The following NALF1 variants were observed in gnomAD, a reference collection of about 807,000 sequenced individuals.
The protein encoded by NALF1 is NALCN channel auxiliary factor 1, also known as family with sequence similarity 155 member A.
NALF1 carries 3 observed loss-of-function variants against 48.4 expected under a neutral mutation model. The ratio of observed to expected loss-of-function variants is 0.06; its 90% confidence interval spans 0.03 to 0.16. The LOEUF (loss-of-function observed/expected upper bound fraction) is 0.16, where lower values mean the gene tolerates loss of function less well. NALF1 is among the 10% of genes least tolerant of loss of function. NALF1 has a pLI of 1.00. For missense variants in NALF1, 526 were observed against 571.5 expected (o/e 0.92, Z 0.81); for synonymous variants, 262 against 245.7 (o/e 1.07, Z -0.62).
At chr13:107,680,411 T>TGA (rs1393828379) in intron 1 of NALF1, among the ~76,000 whole-genome samples, 3 of 151,334 alleles carry the variant, frequency 2.0e-5, no homozygotes, top group Middle Eastern at 6.8e-3. Context: ...CGTGTATGAG[T>TGA]GTGTGTGCGT....
intron 1 of NALF1, among the ~76,000 whole-genome samples, chr13:107,545,341 T>C (rs942735185): frequency 3.3e-5 from 5 of 152,306 alleles, no homozygotes; most frequent in Middle Eastern, 3.4e-3. Flanking sequence ...AATTCTCCTC[T>C]GGAGCCTTCA....
intron 1 of NALF1, among the ~76,000 whole-genome samples, chr13:107,766,606 A>G (rs1877425083): frequency 6.6e-6 from 1 of 152,342 alleles, no homozygotes; most frequent in South Asian, 2.1e-4. Flanking sequence ...GTCAAACAGG[A>G]TATTTTAGAA....
chr13:107,169,140 G>C lies in NALF1; in HGVS notation c.*1357C>G, dbSNP rs1157093087. On this transcript the variant is annotated 3_prime_UTR_variant, in exon 3 of 3. Transcript: ENST00000375915. ...GAAAATAAAATACAAACAGTGATCA[G>C]ACCTCTTTTCCTCAACTACCTAGAG... is the stretch of plus-strand genomic sequence containing the variant. 1 of 152,472 alleles carries C rather than the reference G, an allele frequency of 6.6e-6. No individual in the cohort carries two copies. The highest frequency in any genetic ancestry group is 2.4e-5 in the African/African-American group (1 of 41,422). The allele number at this position is 152,472 out of a possible 1,614,324, so 9.4% of individuals were successfully genotyped here. A position where few individuals can be genotyped will look rare whatever the true frequency, so the allele number is the denominator to read the frequency against.
intron 1 of NALF1, among the ~76,000 whole-genome samples, chr13:107,369,643 T>A (rs1883215053): frequency 2.0e-5 from 3 of 152,156 alleles, no homozygotes; most frequent in Admixed American, 2.0e-4. Flanking sequence ...AATATGGGTC[T>A]CTGCTTGGAT....
chr13:107,709,645 AATTG>A (rs1168241743), intron 1 of NALF1, among the ~76,000 whole-genome samples: 2 of 152,220 alleles, frequency 1.3e-5, no homozygotes, highest in Non-Finnish European at 2.9e-5. Flanking sequence ...TATCTTGTGT[AATTG>A]ATTTCCATCA....
chr13:107,334,322 G>A (rs149371620), intron 1 of NALF1, among the ~76,000 whole-genome samples: 2 of 152,162 alleles, frequency 1.3e-5, no homozygotes, highest in African/African-American at 4.8e-5. Context: ...TGCTCTTTTA[G>A]TTGAGAACAT....
intron 1 of NALF1, among the ~76,000 whole-genome samples, chr13:107,612,878 C>T (rs1461193917): frequency 2.0e-5 from 3 of 151,970 alleles, no homozygotes; most frequent in Non-Finnish European, 4.4e-5. Context: ...AACTATTTGT[C>T]TATCTAACTA....
chr13:107,830,385 C>T (rs1025272104), intron 1 of NALF1, among the ~76,000 whole-genome samples: 1 of 152,180 alleles, frequency 6.6e-6, no homozygotes, highest in Non-Finnish European at 1.5e-5. Context: ...AGTGGCTGTA[C>T]ATTTTACATT....
At chr13:107,435,219 T>G (rs541604422) in intron 1 of NALF1, among the ~76,000 whole-genome samples, 45 of 152,132 alleles carry the variant, frequency 3.0e-4, no homozygotes, top group Non-Finnish European at 6.0e-4. Flanking sequence ...CATGTTCCTA[T>G]AGGTCTGGCC....
At chr13:107,691,433 C>T (rs16970925) in intron 1 of NALF1, among the ~76,000 whole-genome samples, 2,338 of 152,306 alleles carry the variant, frequency 0.015, 60 homozygotes, top group African/African-American at 0.054. Context: ...ATGATCGATA[C>T]GGACTGAATC....
At chr13:107,257,908 T>G (rs1026349836) in intron 1 of NALF1, among the ~76,000 whole-genome samples, 2 of 152,216 alleles carry the variant, frequency 1.3e-5, no homozygotes, top group East Asian at 3.8e-4. Flanking sequence ...CAGCAACTCA[T>G]GCTTCGCTAG....
intron 1 of NALF1, among the ~76,000 whole-genome samples, chr13:107,470,996 T>C (rs1885091664): frequency 6.6e-6 from 1 of 152,142 alleles, no homozygotes; most frequent in Non-Finnish European, 1.5e-5. Flanking sequence ...GCAAGAAAAA[T>C]CATTCCCACA....
At chr13:107,353,678 A>G (rs1159855542) in intron 1 of NALF1, among the ~76,000 whole-genome samples, 1 of 152,230 alleles carries the variant, frequency 6.6e-6, no homozygotes, top group Non-Finnish European at 1.5e-5. Flanking sequence ...TGTGGCTGAC[A>G]TAACTGTGAG....
chr13:107,258,440 A>G (rs1010684377), intron 1 of NALF1, among the ~76,000 whole-genome samples: 2 of 152,208 alleles, frequency 1.3e-5, no homozygotes, highest in African/African-American at 4.8e-5. Context: ...GCAGCTAGAG[A>G]GAGGTAATGG....
At chr13:107,372,086 G>T (rs1032994409) in intron 1 of NALF1, among the ~76,000 whole-genome samples, 4 of 151,854 alleles carry the variant, frequency 2.6e-5, no homozygotes, top group African/African-American at 9.7e-5. Context: ...ATGCAGAGAG[G>T]TCTCCTCATA....
intron 1 of NALF1, among the ~76,000 whole-genome samples, chr13:107,268,582 C>A (rs1315963867): frequency 6.6e-6 from 1 of 152,166 alleles, no homozygotes; most frequent in East Asian, 1.9e-4. Context: ...TGTGTAATAT[C>A]TCTCTGTATA....
intron 1 of NALF1, among the ~76,000 whole-genome samples, chr13:107,229,967 G>A (rs1180978289): frequency 6.6e-6 from 1 of 152,142 alleles, no homozygotes; most frequent in Non-Finnish European, 1.5e-5. Context: ...TGGAAGATTG[G>A]GCCAAGTAGA....
chr13:107,426,335 C>T (rs144840521), intron 1 of NALF1, among the ~76,000 whole-genome samples: 14 of 152,238 alleles, frequency 9.2e-5, no homozygotes, highest in African/African-American at 3.4e-4. Context: ...TAATATCTGC[C>T]ACCTGTGCTT....
chr13:107,613,555 A>C (rs1879298179), intron 1 of NALF1, among the ~76,000 whole-genome samples: 1 of 152,242 alleles, frequency 6.6e-6, no homozygotes, highest in Non-Finnish European at 1.5e-5. Flanking sequence ...CTGTACTTCT[A>C]GATTTCAGTC....
Sources: gnomAD v4.1 joint callset for allele counts (sites outside exome capture counted in the v4.1 genomes callset) on GRCh38, gnomAD v4.1.1 for gene constraint, MANE v1.5 for transcripts, NCBI Gene and HGNC (gene_info 2026-07-23, HGNC 2026-07-21) for gene names.